Variants in AIDA observed in about 807,000 individuals in gnomAD.
The protein encoded by AIDA is axin interactor, dorsalization associated, also known as axin interactor, dorsalization-associated protein.
A neutral mutation model predicts 42.7 loss-of-function variants in AIDA; 18 were observed. The observed-to-expected ratio is 0.42, with a 90% CI of 0.29 to 0.63. The LOEUF (loss-of-function observed/expected upper bound fraction) is 0.63. Ranked by LOEUF, AIDA falls within the 20% of genes least tolerant of loss-of-function variation. The pLI, the probability that AIDA is intolerant of heterozygous loss-of-function variation, is 0.19. For synonymous variants in AIDA, 104 were observed against 122.9 expected (o/e 0.85, Z 1.02); for missense variants, 250 against 354.1 (o/e 0.71, Z 2.36).
Position 222,689,514 on chromosome 1 carries a change from T to C in AIDA, c.290-1856A>G, listed in dbSNP as rs1360803339. On this transcript the variant is annotated intron_variant, in intron 4 of 9. Coordinates refer to ENST00000340020, the MANE Select transcript of AIDA (RefSeq NM_022831.4). ...ATATATATATATATATATATATATA[T>C]ATATATACACACATACACACACACA... Among the ~76,000 whole-genome samples the C allele has an allele frequency of 9.8e-5, 7 of 71,644 alleles. No homozygotes were observed. The East Asian group carries it at 2.1e-3, about 21-fold the overall frequency. The allele number at this position is 71,644 out of a possible 152,430, so 47.0% of individuals were successfully genotyped here.
At chr1:222,684,799 C>A (rs1664713163) in intron 6 of AIDA, among the ~76,000 whole-genome samples, 1 of 152,180 alleles carries the variant, frequency 6.6e-6, no homozygotes, top group Non-Finnish European at 1.5e-5. Context: ...TCCTTTTCAA[C>A]TTAGCAACCT....
intron 6 of AIDA, among the ~76,000 whole-genome samples, chr1:222,679,764 G>A (rs1461067516): frequency 6.6e-6 from 1 of 152,198 alleles, no homozygotes; most frequent in Non-Finnish European, 1.5e-5. Flanking sequence ...CAGGAGCTGT[G>A]AAATGACCTC....
At chr1:222,670,360 G>C (rs1664424485) in intron 8 of AIDA, 110 bp from the exon 9 acceptor site, 1 of 834,450 alleles carries the variant, frequency 1.2e-6, no homozygotes, top group African/African-American at 1.7e-5. Flanking sequence ...GGCATAATTT[G>C]ACAAAACAAC....
intron 7 of AIDA, among the ~76,000 whole-genome samples, chr1:222,674,117 T>A (rs944158204): frequency 6.6e-6 from 1 of 152,020 alleles, no homozygotes; most frequent in Admixed American, 6.6e-5. Context: ...AAAAAAACCC[T>A]GTCAACTACA....
rs1335702945 is a variant in AIDA at position 222,712,297 on chromosome 1, A to C, written c.21T>G (p.Ser7Arg). The C allele has an allele frequency of 3.2e-6, 5 of 1,569,772 alleles. No homozygotes were observed. Among genetic ancestry groups the C allele is most frequent in the Non-Finnish European group, 4.3e-6 (5 of 1,157,568 alleles). The change falls in exon 1 of 10, where the codon AGT becomes AGG. Residue 7 changes from serine (S) to arginine (R), a missense_variant. By Grantham distance (110) the Ser-to-Arg change is moderately radical (BLOSUM62 -1). This residue lies in a region of AIDA where 14 missense variants were observed against 20.1 expected (regional missense o/e 0.70). Coordinates refer to ENST00000340020, the MANE Select transcript of AIDA (RefSeq NM_022831.4). MSEVTR[S>R]LLQRWGASFR... ...AACTGGCGCCCCAGCGCTGCAGCAGACTCCGGGTCACCTCCGACATGGCCG... is the reference window on the plus strand; with the variant it reads ...AACTGGCGCCCCAGCGCTGCAGCAGCCTCCGGGTCACCTCCGACATGGCCG...
chr1:222,679,974 G>A (rs1051123968), intron 6 of AIDA, among the ~76,000 whole-genome samples: 5 of 152,202 alleles, frequency 3.3e-5, no homozygotes, highest in Non-Finnish European at 7.3e-5. Flanking sequence ...CCTGGGTTCT[G>A]TGGAATCCCA....
At chr1:222,680,869 G>T (rs1343681058) in intron 6 of AIDA, among the ~76,000 whole-genome samples, 1 of 151,998 alleles carries the variant, frequency 6.6e-6, no homozygotes, top group East Asian at 1.9e-4. Context: ...CACACAGTGG[G>T]CAAGGATCTC....
At chr1:222,693,601 A>G (rs1275422280) in intron 4 of AIDA, among the ~76,000 whole-genome samples, 188 bp downstream of exon 4, 1 of 152,196 alleles carries the variant, frequency 6.6e-6, no homozygotes. Flanking sequence ...TATATTCTAC[A>G]ACGAAGGTAA....
At chr1:222,692,318 G>A (rs545889779) in intron 4 of AIDA, among the ~76,000 whole-genome samples, 45 of 152,268 alleles carry the variant, frequency 3.0e-4, no homozygotes, top group Admixed American at 1.6e-3. Context: ...AATGGCAGAC[G>A]TGGGGATGTA....
intron 4 of AIDA, among the ~76,000 whole-genome samples, chr1:222,692,666 G>A (rs1655402529): frequency 6.6e-6 from 1 of 152,096 alleles, no homozygotes; most frequent in South Asian, 2.1e-4. Flanking sequence ...TGAATACAGG[G>A]CAAACAATGA....
chr1:222,703,351 C>A, intron 1 of AIDA, 134 bp from the exon 2 acceptor site: 2 of 542,476 alleles, frequency 3.7e-6, no homozygotes, highest in South Asian at 3.5e-5. Context: ...ACATTGAGAA[C>A]CAAATTCTTC....
rs1202493880 is a variant in AIDA at position 222,676,211 on chromosome 1, T to A, written c.468A>T (p.Leu156Phe). The change falls in exon 7 of 10, where the codon TTA becomes TTT. Residue 156 changes from leucine (L) to phenylalanine (F), a missense_variant. Physicochemically the swap from Leu to Phe is conservative, Grantham distance 22. This residue lies in a region of AIDA where 199 missense variants were observed against 232.6 expected (regional missense o/e 0.86). Coordinates refer to ENST00000340020, the MANE Select transcript of AIDA (RefSeq NM_022831.4). ...CTGGTTCCGATGGCAACCTTGGTAATAAAGTACCTGGCAACAGAGAAAAAG... is the reference window on the plus strand; with the variant it reads ...CTGGTTCCGATGGCAACCTTGGTAAAAAAGTACCTGGCAACAGAGAAAAAG... ...DSFPARVPGT[L>F]LPRLPSEPGM... is the part of the protein sequence containing the mutation. The A allele has an allele frequency of 6.2e-7, 1 of 1,607,732 alleles. No individual in the cohort carries two copies. Among genetic ancestry groups the A allele is most frequent in the South Asian group, 1.1e-5 (1 of 89,468 alleles).
At chr1:222,672,276 C>T (rs1664463423) in intron 8 of AIDA, among the ~76,000 whole-genome samples, 2 of 152,112 alleles carry the variant, frequency 1.3e-5, no homozygotes, top group South Asian at 4.1e-4. Context: ...TGAAACACTC[C>T]ACCTTCTCCC....
intron 4 of AIDA, among the ~76,000 whole-genome samples, chr1:222,693,523 T>C (rs1174781694): frequency 7.9e-5 from 12 of 152,154 alleles, no homozygotes; most frequent in Non-Finnish European, 1.0e-4. Context: ...ACCAAAGTAA[T>C]TGTGGTTTTA....
chr1:222,688,301 G>A (rs1482493691), intron 4 of AIDA, among the ~76,000 whole-genome samples: 1 of 152,170 alleles, frequency 6.6e-6, no homozygotes, highest in African/African-American at 2.4e-5. Context: ...CTGGTAGTTT[G>A]TAGCAGCAAG....
chr1:222,679,925 C>G (rs1664624145), intron 6 of AIDA, among the ~76,000 whole-genome samples: 1 of 152,234 alleles, frequency 6.6e-6, no homozygotes, highest in African/African-American at 2.4e-5. Flanking sequence ...ATATGAAAAG[C>G]TCTGTATGGC....
At chr1:222,698,609 G>A (rs888978700) in intron 2 of AIDA, among the ~76,000 whole-genome samples, 2 of 151,984 alleles carry the variant, frequency 1.3e-5, no homozygotes, top group African/African-American at 2.4e-5. Flanking sequence ...GTCTGACCAC[G>A]CCCAGCTAAT....
chr1:222,710,756 C>CT (rs1250941505), intron 1 of AIDA, among the ~76,000 whole-genome samples: 1 of 152,164 alleles, frequency 6.6e-6, no homozygotes, highest in Non-Finnish European at 1.5e-5. Flanking sequence ...GTGGTATCAG[C>CT]TTGTGACCTG....
chr1:222,675,168 A>G (rs902259692), intron 7 of AIDA, among the ~76,000 whole-genome samples: 1 of 152,184 alleles, frequency 6.6e-6, no homozygotes, highest in African/African-American at 2.4e-5. Context: ...ATGACTGACA[A>G]AAGTTCTCTT....
Sources: gnomAD v4.1 joint callset for allele counts (sites outside exome capture counted in the v4.1 genomes callset) on GRCh38, gnomAD v4.1.1 for gene constraint, gnomAD v4.1.1 regional missense constraint, MANE v1.5 for transcripts, NCBI Gene and HGNC (gene_info 2026-07-23, HGNC 2026-07-21) for gene names.